UXS1: variants seen among roughly 807,000 people sequenced by gnomAD.
UXS1 encodes UDP-glucuronate decarboxylase 1, also known as UDP-glucuronic acid decarboxylase 1.
In UXS1, 33 loss-of-function variants were observed where a neutral mutation model predicts 62.6. That is an observed-to-expected ratio of 0.53 (90% confidence interval 0.40 to 0.70). The LOEUF (loss-of-function observed/expected upper bound fraction) is 0.70, where lower values mean the gene tolerates loss of function less well. Among genes scored for constraint, UXS1 ranks in the 30% least tolerant of loss-of-function variants. The pLI is 0.00. For synonymous variants in UXS1, 213 were observed against 206.8 expected, an observed-to-expected ratio of 1.03 and a Z score of -0.26; for missense variants, 434 against 556.3, an observed-to-expected ratio of 0.78 and a Z score of 2.21.
chr2:106,191,420 T>G (rs1036850290), intron 1 of UXS1, among the ~76,000 whole-genome samples: 1 of 152,240 alleles, frequency 6.6e-6, no homozygotes, highest in Admixed American at 6.5e-5. Context: ...GACTACATTT[T>G]CAGTGTCCTT....
intron 1 of UXS1, among the ~76,000 whole-genome samples, chr2:106,187,612 T>C (rs991378804): frequency 6.6e-6 from 1 of 152,208 alleles, no homozygotes; most frequent in Non-Finnish European, 1.5e-5. Flanking sequence ...AGGTTTTATC[T>C]CTTTTCTTGT....
chr2:106,127,328 A>G (rs1313111995), intron 7 of UXS1, among the ~76,000 whole-genome samples: 1 of 152,242 alleles, frequency 6.6e-6, no homozygotes, highest in Non-Finnish European at 1.5e-5. Context: ...ACTGTTTTCC[A>G]GAGTAACTAT....
chr2:106,101,780 T>C (rs1471171371), intron 11 of UXS1: 1 of 152,266 alleles, frequency 6.6e-6, no homozygotes, highest in Non-Finnish European at 1.5e-5. Flanking sequence ...AAGGTGAAGA[T>C]AAGTAAGCAA....
intron 2 of UXS1, among the ~76,000 whole-genome samples, chr2:106,165,085 T>G (rs1683128395): frequency 6.6e-6 from 1 of 152,236 alleles, no homozygotes; most frequent in Admixed American, 6.5e-5. Flanking sequence ...GATTTTAAAT[T>G]TGAAGCAGGA....
chr2:106,156,698 CA>C (rs773431587), intron 5 of UXS1, among the ~76,000 whole-genome samples: 2 of 152,118 alleles, frequency 1.3e-5, no homozygotes, highest in Non-Finnish European at 2.9e-5. Flanking sequence ...ATACCTAATA[CA>C]ATGTAAATGT....
At chr2:106,167,225 A>C (rs760109628) in intron 1 of UXS1, among the ~76,000 whole-genome samples, 4 of 152,194 alleles carry the variant, frequency 2.6e-5, no homozygotes, top group Non-Finnish European at 5.9e-5. Flanking sequence ...GCCTTTCCTG[A>C]GCATAGGCGG....
intron 6 of UXS1, among the ~76,000 whole-genome samples, chr2:106,144,740 G>A (rs977155154): frequency 1.3e-5 from 2 of 152,158 alleles, no homozygotes; most frequent in African/African-American, 2.4e-5. Flanking sequence ...GTCCTCACAC[G>A]GTGGAAAGGC....
chr2:106,104,564 G>A (rs1014905194), intron 11 of UXS1, among the ~76,000 whole-genome samples: 4 of 152,208 alleles, frequency 2.6e-5, no homozygotes, highest in African/African-American at 9.7e-5. Flanking sequence ...CTAGGTGGCA[G>A]TAAAAGATTA....
At chr2:106,145,151 C>T (rs779035261) in intron 6 of UXS1, 39 bp downstream of exon 6, 13 of 1,590,324 alleles carry the variant, frequency 8.2e-6, no homozygotes, top group Middle Eastern at 1.7e-4. Context: ...AGGCCACCTG[C>T]GGAGCTCTGA....
intron 5 of UXS1, among the ~76,000 whole-genome samples, chr2:106,153,226 C>T (rs1343033450): frequency 1.3e-5 from 2 of 152,174 alleles, no homozygotes; most frequent in Non-Finnish European, 2.9e-5. Context: ...CAAAATCTAC[C>T]CCTGCCAAGG....
intron 8 of UXS1, among the ~76,000 whole-genome samples, chr2:106,125,160 C>T (rs1352273122): frequency 1.3e-5 from 2 of 152,168 alleles, no homozygotes; most frequent in Non-Finnish European, 2.9e-5. Flanking sequence ...TAAGGTTCTT[C>T]CAGAACTCGT....
intron 14 of UXS1, 63 bp downstream of exon 14, chr2:106,096,655 G>T: frequency 6.9e-7 from 1 of 1,440,090 alleles, no homozygotes; most frequent in Non-Finnish European, 9.4e-7. Context: ...GTGCCTACAG[G>T]ACAGCAGACA....
At chr2:106,104,248 C>T (rs1446942043) in intron 11 of UXS1, among the ~76,000 whole-genome samples, 6 of 152,156 alleles carry the variant, frequency 3.9e-5, no homozygotes, top group East Asian at 1.9e-4. Context: ...TAATCACCAA[C>T]GGAATGGAAC....
chr2:106,118,231 T>A (rs973751860), intron 9 of UXS1, among the ~76,000 whole-genome samples: 1 of 151,926 alleles, frequency 6.6e-6, no homozygotes, highest in Non-Finnish European at 1.5e-5. Context: ...ACTTTTTTTT[T>A]TTTTTTCCAA....
chr2:106,116,026 C>A (rs1679027502), intron 9 of UXS1, among the ~76,000 whole-genome samples: 1 of 152,198 alleles, frequency 6.6e-6, no homozygotes, highest in African/African-American at 2.4e-5. Flanking sequence ...GCATCAAACG[C>A]CTCCTTGCCT....
At chr2:106,096,623 G>C in intron 14 of UXS1, 95 bp downstream of exon 14, 2 of 1,178,460 alleles carry the variant, frequency 1.7e-6, no homozygotes, top group Non-Finnish European at 2.3e-6. Context: ...TTGCTCCTCC[G>C]GGGGCTGTCT....
intron 4 of UXS1, chr2:106,160,004 G>A (rs932305222): frequency 6.6e-6 from 1 of 152,192 alleles, no homozygotes; most frequent in Non-Finnish European, 1.5e-5. Context: ...TGAGCTCACC[G>A]ACCGTCTTTA....
chr2:106,151,619 C>T (rs1194950845), intron 5 of UXS1, among the ~76,000 whole-genome samples: 1 of 152,184 alleles, frequency 6.6e-6, no homozygotes, highest in African/African-American at 2.4e-5. Context: ...TAATCTGTTA[C>T]AGCGGCACAA....
At chr2:106,187,560 C>T (rs1455687624) in intron 1 of UXS1, among the ~76,000 whole-genome samples, 1 of 152,136 alleles carries the variant, frequency 6.6e-6, no homozygotes, top group Non-Finnish European at 1.5e-5. Context: ...TTACCATAAA[C>T]ACAAAACTAA....
Sources: gnomAD v4.1 joint callset for allele counts (sites outside exome capture counted in the v4.1 genomes callset) on GRCh38, gnomAD v4.1.1 for gene constraint, MANE v1.5 for transcripts, NCBI Gene and HGNC (gene_info 2026-07-23, HGNC 2026-07-21) for gene names.